The following STPG2 variants were observed in gnomAD, a reference collection of about 807,000 sequenced individuals.
STPG2 encodes the protein sperm tail PG-rich repeat containing 2.
In STPG2, 56 loss-of-function variants were observed where a neutral mutation model predicts 54.2. The observed-to-expected ratio is 1.03, with a 90% CI of 0.83 to 1.29. The LOEUF is 1.29. Ranked by LOEUF, STPG2 falls within the 50% of genes most tolerant of loss-of-function variation. The pLI is 0.00. For synonymous variants in STPG2, 200 were observed against 181.8 expected (o/e 1.10, Z -0.81); for missense variants, 596 against 544.9 (o/e 1.09, Z -0.93).
intron 4 of STPG2, among the ~76,000 whole-genome samples, chr4:97,529,966 T>C (rs550363221): frequency 6.6e-6 from 1 of 152,188 alleles, no homozygotes; most frequent in South Asian, 2.1e-4. Flanking sequence ...TTACTTCTAT[T>C]ATTTATTTTT....
intron 5 of STPG2, among the ~76,000 whole-genome samples, chr4:98,090,833 T>G (rs1738663572): frequency 6.6e-6 from 1 of 152,026 alleles, no homozygotes; most frequent in African/African-American, 2.4e-5. Context: ...GATTGTGTAA[T>G]TTAATGCAAA....
intron 4 of STPG2, among the ~76,000 whole-genome samples, chr4:97,470,024 C>T (rs1021252825): frequency 6.6e-6 from 1 of 151,930 alleles, no homozygotes; most frequent in Admixed American, 6.6e-5. Flanking sequence ...AAAAAATATC[C>T]TTATGTAACA....
chr4:98,136,417 T>C lies in STPG2; in HGVS notation c.110-1958A>G, dbSNP rs552757292. Among the ~76,000 whole-genome samples, 20 of 145,012 alleles carry C rather than the reference T, an allele frequency of 1.4e-4. No homozygotes were observed. The South Asian group carries it at 4.5e-3, about 32-fold the overall frequency. ...TCAGAACACTTACATTAGCCTAACGTTGGGGAAAATTACCTAACACAAAGA... is the reference window on the plus strand; with the variant it reads ...TCAGAACACTTACATTAGCCTAACGCTGGGGAAAATTACCTAACACAAAGA... On this transcript the variant is annotated intron_variant, in intron 1 of 10. Transcript: ENST00000295268.
At chr4:97,736,215 A>G (rs6844839) in intron 9 of STPG2, among the ~76,000 whole-genome samples, 127,682 of 152,156 alleles carry the variant, frequency 0.84, 53,742 homozygotes, top group Middle Eastern at 0.95. Flanking sequence ...ATAAATTCAG[A>G]AAGGTGATAG....
intron 8 of STPG2, among the ~76,000 whole-genome samples, chr4:97,867,471 A>C (rs1047090246): frequency 4.0e-5 from 6 of 151,864 alleles, no homozygotes; most frequent in African/African-American, 1.5e-4. Flanking sequence ...TTTTCTCCTA[A>C]TGTCTCCATT....
intron 8 of STPG2, among the ~76,000 whole-genome samples, chr4:97,904,105 A>T (rs1476057413): frequency 6.6e-6 from 1 of 152,206 alleles, no homozygotes; most frequent in Non-Finnish European, 1.5e-5. Context: ...ACCACAGCTG[A>T]AGGAGGCCTG....
intron 10 of STPG2, among the ~76,000 whole-genome samples, chr4:97,637,632 A>C (rs955961827): frequency 6.6e-6 from 1 of 152,240 alleles, no homozygotes; most frequent in African/African-American, 2.4e-5. Flanking sequence ...GCTGATAAGC[A>C]ACTTCAGCAA....
intron 10 of STPG2, among the ~76,000 whole-genome samples, chr4:97,696,424 G>T (rs1014458116): frequency 6.6e-6 from 1 of 152,210 alleles, no homozygotes; most frequent in Non-Finnish European, 1.5e-5. Context: ...ACAAATTCCA[G>T]AAGATAGCAT....
At chr4:97,548,863 TTAAC>T (rs1275080864) in intron 4 of STPG2, among the ~76,000 whole-genome samples, 1 of 152,204 alleles carries the variant, frequency 6.6e-6, no homozygotes, top group Admixed American at 6.5e-5. Flanking sequence ...TGCGCTATAC[TTAAC>T]TATTGACAAT....
intron 8 of STPG2, among the ~76,000 whole-genome samples, chr4:97,882,912 G>A (rs1730429676): frequency 6.6e-6 from 1 of 151,686 alleles, no homozygotes; most frequent in Admixed American, 6.6e-5. Flanking sequence ...AACATGTCTA[G>A]TTTTCAACCA....
chr4:97,824,622 C>T (rs902495226), intron 9 of STPG2, among the ~76,000 whole-genome samples: 1 of 152,128 alleles, frequency 6.6e-6, no homozygotes, highest in Non-Finnish European at 1.5e-5. Flanking sequence ...ACCTTGTAAC[C>T]ACGTGGCACT....
chr4:97,443,073 G>T (rs541810546), intron 4 of STPG2, among the ~76,000 whole-genome samples: 2 of 152,006 alleles, frequency 1.3e-5, no homozygotes, highest in African/African-American at 2.4e-5. Flanking sequence ...AATTTATTTC[G>T]GCTTAAACCT....
intron 10 of STPG2, among the ~76,000 whole-genome samples, chr4:97,584,181 C>T (rs954891888): frequency 3.3e-5 from 5 of 151,770 alleles, no homozygotes; most frequent in African/African-American, 1.2e-4. Flanking sequence ...TATTGACTAC[C>T]CTCTCAGAAC....
intron 9 of STPG2, among the ~76,000 whole-genome samples, chr4:97,837,671 C>A (rs1362171225): frequency 1.3e-5 from 2 of 151,598 alleles, no homozygotes; most frequent in African/African-American, 4.8e-5. Flanking sequence ...TCTAGATGTA[C>A]TATTTCCTTC....
In STPG2 at chr4:97,578,230, G is replaced by A. The variant is rs781098395; in HGVS notation, c.1321-19113C>T. Among the ~76,000 whole-genome samples the A allele has an allele frequency of 1.4e-4, 21 of 151,296 alleles. No individual in the cohort carries two copies. In the South Asian group the frequency reaches 1.9e-3, roughly 14 times the overall value. On this transcript the variant is annotated intron_variant, in intron 10 of 10. Coordinates refer to ENST00000295268, the MANE Select transcript of STPG2 (RefSeq NM_174952.3). ...AGCGATTGTCCCACCTCAACCTCCC[G>A]AGTAGCTGGGACCACAGATGTGTGC...
At chr4:98,018,539 G>A (rs1276649285) in intron 5 of STPG2, among the ~76,000 whole-genome samples, 1 of 152,178 alleles carries the variant, frequency 6.6e-6, no homozygotes, top group Non-Finnish European at 1.5e-5. Context: ...ACCCAGTAAT[G>A]GGATGGCTGG....
intron 10 of STPG2, among the ~76,000 whole-genome samples, chr4:97,685,841 T>C (rs1213714770): frequency 3.3e-5 from 5 of 152,192 alleles, no homozygotes; most frequent in African/African-American, 4.8e-5. Flanking sequence ...CTAAAACTGC[T>C]CTAAAAATAA....
intron 8 of STPG2, among the ~76,000 whole-genome samples, chr4:97,876,071 C>T (rs745742885): frequency 1.3e-5 from 2 of 151,956 alleles, no homozygotes; most frequent in Admixed American, 6.6e-5. Flanking sequence ...TGAACTGTGG[C>T]AAGACATCAG....
At chr4:97,887,215 G>A (rs917740189) in intron 8 of STPG2, among the ~76,000 whole-genome samples, 3 of 152,126 alleles carry the variant, frequency 2.0e-5, no homozygotes, top group Admixed American at 1.3e-4. Flanking sequence ...TTTGGAACTG[G>A]GTAATGAGCA....
Sources: allele counts gnomAD v4.1 joint callset (sites outside exome capture counted in the v4.1 genomes callset), GRCh38; gene constraint gnomAD v4.1.1; transcripts MANE v1.5; gene names NCBI Gene and HGNC (gene_info 2026-07-23, HGNC 2026-07-21).